Variants in CDC14B observed in about 807,000 individuals in gnomAD.
CDC14B encodes the protein cell division cycle 14B.
CDC14B carries 22 observed loss-of-function variants against 64.2 expected under a neutral mutation model. The observed-to-expected ratio is 0.34, with a 90% CI of 0.24 to 0.49. The LOEUF (loss-of-function observed/expected upper bound fraction) is 0.49. Ranked by LOEUF, CDC14B falls within the 20% of genes least tolerant of loss-of-function variation. CDC14B has a pLI of 0.99. For missense variants in CDC14B, 498 were observed against 629.9 expected, an observed-to-expected ratio of 0.79 and a Z score of 2.24; for synonymous variants, 191 against 215.8, an observed-to-expected ratio of 0.89 and a Z score of 1.01.
chr9:96,594,714 CAAAAAAAAAAA>C (rs11414625), intron 1 of CDC14B, among the ~76,000 whole-genome samples: 1 of 42,418 alleles, frequency 2.4e-5, no homozygotes, highest in Non-Finnish European at 4.4e-5. Context: ...AAGGCTGTCT[CAAAAAAAAAAA>C]AAAAAAAAAA....
intron 1 of CDC14B, among the ~76,000 whole-genome samples, chr9:96,577,413 G>A (rs111695691): frequency 1.2e-4 from 19 of 152,100 alleles, no homozygotes; most frequent in South Asian, 4.2e-4. Flanking sequence ...TTAAATCTAC[G>A]GAATGTAGTC....
chr9:96,619,202 C>T lies in CDC14B; in HGVS notation c.160+17G>A. ...GCGGCCGTCCGGGGCCCTCCGCGCGCCCACTGGCCGGCTCACCGGTGATGT... is the reference window on the plus strand; with the variant it reads ...GCGGCCGTCCGGGGCCCTCCGCGCGTCCACTGGCCGGCTCACCGGTGATGT... On this transcript the variant is annotated intron_variant, in intron 1 of 13. Coordinates refer to ENST00000375241, the MANE Select transcript of CDC14B (RefSeq NM_033331.4). The T allele has an allele frequency of 7.9e-7, 1 of 1,265,082 alleles. No homozygotes were observed. The highest frequency in any genetic ancestry group is 1.0e-6 in the Non-Finnish European group (1 of 1,001,346). 78.4% of individuals were successfully genotyped at this position (1,265,082 alleles called of 1,614,324 possible).
intron 12 of CDC14B, among the ~76,000 whole-genome samples, chr9:96,516,766 G>A (rs534849509): frequency 7.0e-4 from 106 of 152,056 alleles, no homozygotes; most frequent in African/African-American, 2.3e-3. Context: ...GTGAGCCATC[G>A]CACCTGAGCT....
At position 96,500,263 on chromosome 9, in the gene CDC14B, G is replaced by A. The variant is rs376466937; in HGVS notation, c.*3490C>T. The A allele has an allele frequency of 1.3e-5, 2 of 152,568 alleles. No homozygotes were observed. Among genetic ancestry groups the A allele is most frequent in the South Asian group, 2.1e-4 (1 of 4,822 alleles). The allele number at this position is 152,568 out of a possible 1,614,324, so 9.5% of individuals were successfully genotyped here. ...TGCAAAGTTTACACGCCATTAGGAAGCTTTATCTTAAAAATACCTTCAGGA... is the reference window on the plus strand; with the variant it reads ...TGCAAAGTTTACACGCCATTAGGAAACTTTATCTTAAAAATACCTTCAGGA... On this transcript the variant is annotated 3_prime_UTR_variant, in exon 14 of 14. Coordinates refer to ENST00000375241, the MANE Select transcript of CDC14B (RefSeq NM_033331.4).
chr9:96,555,281 GC>G (rs1842357278), intron 4 of CDC14B, among the ~76,000 whole-genome samples: 1 of 152,142 alleles, frequency 6.6e-6, no homozygotes, highest in Non-Finnish European at 1.5e-5. Flanking sequence ...TAGAACCCTC[GC>G]TCTGGGTACA....
At chr9:96,508,356 G>A (rs1186918027) in intron 13 of CDC14B, among the ~76,000 whole-genome samples, 2 of 91,636 alleles carry the variant, frequency 2.2e-5, no homozygotes, top group Non-Finnish European at 3.9e-5. Flanking sequence ...TTCACTTACT[G>A]CTTCGTGTAC....
chr9:96,589,144 T>C (rs1356622294), intron 1 of CDC14B, among the ~76,000 whole-genome samples: 1 of 152,092 alleles, frequency 6.6e-6, no homozygotes, highest in Non-Finnish European at 1.5e-5. Context: ...AAGACCAGCC[T>C]GGGCAACACA....
chr9:96,602,687 T>C (rs138816740), intron 1 of CDC14B, among the ~76,000 whole-genome samples: 98 of 152,096 alleles, frequency 6.4e-4, no homozygotes, highest in African/African-American at 2.2e-3. Context: ...CCACTACACA[T>C]GGGAATGTGG....
intron 5 of CDC14B, among the ~76,000 whole-genome samples, chr9:96,547,363 G>A (rs1841084738): frequency 6.6e-6 from 1 of 151,832 alleles, no homozygotes; most frequent in Admixed American, 6.6e-5. Flanking sequence ...CTACTCAGGA[G>A]GCTGAGGCAG....
chr9:96,571,003 A>T (rs1471356669), intron 1 of CDC14B, among the ~76,000 whole-genome samples: 1 of 152,214 alleles, frequency 6.6e-6, no homozygotes, highest in East Asian at 1.9e-4. Context: ...ATATATGAAC[A>T]CTTACAAGAA....
chr9:96,549,363 T>A (rs1026951220), intron 5 of CDC14B, among the ~76,000 whole-genome samples: 11 of 152,160 alleles, frequency 7.2e-5, no homozygotes, highest in Non-Finnish European at 1.0e-4. Flanking sequence ...CACAGGCTGG[T>A]AACAAAATGT....
intron 1 of CDC14B, chr9:96,618,434 A>G (rs1847772064): frequency 1.9e-6 from 1 of 523,390 alleles, no homozygotes; most frequent in Admixed American, 2.0e-5. Flanking sequence ...TGGATTTATG[A>G]GTCTCCAAGA....
At chr9:96,563,161 G>A (rs1843441123) in intron 3 of CDC14B, among the ~76,000 whole-genome samples, 1 of 152,176 alleles carries the variant, frequency 6.6e-6, no homozygotes, top group South Asian at 2.1e-4. Flanking sequence ...CATCTACAGT[G>A]TTATAAGCCA....
intron 12 of CDC14B, among the ~76,000 whole-genome samples, chr9:96,516,885 G>A (rs899408047): frequency 3.3e-5 from 5 of 151,554 alleles, no homozygotes; most frequent in East Asian, 2.0e-4. Flanking sequence ...TCCCCCTCCC[G>A]GGTTCAAGCA....
chr9:96,562,933 T>G, intron 3 of CDC14B, 148 bp from the exon 4 acceptor site: 1 of 621,548 alleles, frequency 1.6e-6, no homozygotes, highest in Non-Finnish European at 2.9e-6. Flanking sequence ...TACCCACAAA[T>G]ACCATATATC....
intron 1 of CDC14B, among the ~76,000 whole-genome samples, chr9:96,585,883 A>G (rs893082381): frequency 6.6e-6 from 1 of 152,226 alleles, no homozygotes; most frequent in African/African-American, 2.4e-5. Context: ...CAATGGATAG[A>G]CCGCATATAT....
intron 1 of CDC14B, chr9:96,567,032 G>T: frequency 7.6e-7 from 1 of 1,320,754 alleles, no homozygotes; most frequent in Non-Finnish European, 1.0e-6. Context: ...GCGCGACGAG[G>T]CCGTGGGGAC....
intron 1 of CDC14B, chr9:96,618,872 T>A (rs942504132): frequency 3.0e-6 from 1 of 330,056 alleles, no homozygotes; most frequent in Admixed American, 4.8e-5. Flanking sequence ...GAAGGCGGAA[T>A]CCACAGGAAC....
chr9:96,602,740 A>G (rs1416458652), intron 1 of CDC14B, among the ~76,000 whole-genome samples: 1 of 152,186 alleles, frequency 6.6e-6, no homozygotes, highest in East Asian at 1.9e-4. Context: ...CAGCCAAACT[A>G]TATCACCACA....
Sources: gnomAD v4.1 joint callset for allele counts (sites outside exome capture counted in the v4.1 genomes callset) on GRCh38, gnomAD v4.1.1 for gene constraint, MANE v1.5 for transcripts, NCBI Gene and HGNC (gene_info 2026-07-23, HGNC 2026-07-21) for gene names.